Variants in STK24 observed in about 807,000 individuals in gnomAD.
The protein encoded by STK24 is serine/threonine-protein kinase 24.
Under a neutral mutation model 55.6 loss-of-function variants are expected in STK24, and 21 were observed. The ratio of observed to expected loss-of-function variants is 0.38; its 90% CI spans 0.27 to 0.54. The LOEUF (loss-of-function observed/expected upper bound fraction) is 0.54, where lower values mean the gene tolerates loss of function less well. Ranked by LOEUF, STK24 falls within the 20% of genes least tolerant of loss-of-function variation. The pLI, the probability that STK24 is intolerant of heterozygous loss-of-function variation, is 0.79. For synonymous variants in STK24, 200 were observed against 215.2 expected (o/e 0.93, Z 0.62); for missense variants, 383 against 538.4 (o/e 0.71, Z 2.86).
In STK24 at chr13:98,446,821, G is replaced by C; in HGVS notation, c.*6352C>G. 1 of 1,613,976 alleles carries C rather than the reference G, an allele frequency of 6.2e-7. No homozygotes were observed. The highest frequency in any genetic ancestry group is 1.1e-5 in the South Asian group (1 of 91,056). On this transcript the variant is annotated 3_prime_UTR_variant, in exon 11 of 11. Coordinates refer to ENST00000539966, the MANE Select transcript of STK24 (RefSeq NM_001032296.4). ...AAAGCGAGTACACGTTCGAAAGGTAGACACCCCCTTCCCACGCACAGGGCC... is the reference window on the plus strand; with the variant it reads ...AAAGCGAGTACACGTTCGAAAGGTACACACCCCCTTCCCACGCACAGGGCC...
chr13:98,463,510 G>A (rs546051868), intron 7 of STK24, among the ~76,000 whole-genome samples, 181 bp downstream of exon 7: 2 of 151,948 alleles, frequency 1.3e-5, no homozygotes, highest in East Asian at 1.9e-4. Context: ...CACCAGCAAC[G>A]TCAAGAGGCT....
At position 98,450,031 on chromosome 13, in the gene STK24, A is replaced by T. The variant is rs1893111636; in HGVS notation, c.*3142T>A. On this transcript the variant is annotated 3_prime_UTR_variant, in exon 11 of 11. Transcript: ENST00000539966. ...GACAAGGCAGTCTCCTCAGCTATTTATTTCTGAATGATTGATTGATTCCAA... is the reference window on the plus strand; with the variant it reads ...GACAAGGCAGTCTCCTCAGCTATTTTTTTCTGAATGATTGATTGATTCCAA... 7.4e-6 allele frequency: 1 copy of T among 134,538 alleles called. No individual in the cohort carries two copies. Among genetic ancestry groups the T allele is most frequent in the Non-Finnish European group, 1.7e-5 (1 of 59,350 alleles). 8.3% of individuals were successfully genotyped at this position (134,538 alleles called of 1,614,324 possible). A position where few individuals can be genotyped will look rare whatever the true frequency, so the allele number is the denominator to read the frequency against.
intron 1 of STK24, among the ~76,000 whole-genome samples, chr13:98,527,144 C>G (rs1310102313): frequency 1.3e-5 from 2 of 152,178 alleles, no homozygotes; most frequent in Admixed American, 6.5e-5. Context: ...TGGCCAGCCA[C>G]TGAGAATAAC....
At position 98,457,141 on chromosome 13, in the gene STK24, C is replaced by T. The variant is rs939152204; in HGVS notation, c.1259+27G>A. The T allele has an allele frequency of 3.7e-6, 6 of 1,602,058 alleles. No homozygotes were observed. In the African/African-American group the frequency reaches 8.0e-5, roughly 21 times the overall value. ...GCCCAAGTGCAGGTCTCTCCTTCCCCAGCCCAGAGGGGCCCTGGGTAGTTA... is the reference window on the plus strand; with the variant it reads ...GCCCAAGTGCAGGTCTCTCCTTCCCTAGCCCAGAGGGGCCCTGGGTAGTTA... On this transcript the variant is annotated intron_variant, in intron 10 of 10. Transcript: ENST00000539966.
Position 98,491,198 on chromosome 13 carries a change from T to C in STK24, c.274-8877A>G, listed in dbSNP as rs146281597. Among the ~76,000 whole-genome samples the C allele has an allele frequency of 4.4e-3, 677 of 152,324 alleles. 2 individuals are homozygous for C. Among genetic ancestry groups the C allele is most frequent in the Non-Finnish European group, 7.5e-3 (512 of 68,018 alleles). ...AAGCCCACCGGACCTACACCCCTTC[T>C]CATCTCCCTGCGAGCAATGCCTTCT... is the stretch of plus-strand genomic sequence containing the variant. On this transcript the variant is annotated intron_variant, in intron 2 of 10. Transcript: ENST00000539966.
chr13:98,530,629 G>A (rs933499057), intron 1 of STK24, among the ~76,000 whole-genome samples: 10 of 152,124 alleles, frequency 6.6e-5, no homozygotes, highest in African/African-American at 2.2e-4. Flanking sequence ...ACAACACAAG[G>A]GCACAAAAGA....
chr13:98,569,016 C>T (rs1392360262), intron 1 of STK24, among the ~76,000 whole-genome samples: 2 of 152,136 alleles, frequency 1.3e-5, no homozygotes, highest in Non-Finnish European at 2.9e-5. Context: ...TGAGTCGCTT[C>T]ACAGAAAAGG....
At chr13:98,534,727 C>A (rs746376453) in intron 1 of STK24, among the ~76,000 whole-genome samples, 5 of 152,130 alleles carry the variant, frequency 3.3e-5, no homozygotes. Flanking sequence ...ACCCAGGAAC[C>A]GAAAACAGCA....
At chr13:98,504,757 T>C (rs1328405660) in intron 2 of STK24, among the ~76,000 whole-genome samples, 2 of 152,152 alleles carry the variant, frequency 1.3e-5, no homozygotes, top group Non-Finnish European at 2.9e-5. Context: ...GAAGGGCTAT[T>C]TTTCACCTGA....
At chr13:98,548,861 C>CAAAAAAAAAAA (rs55793722) in intron 1 of STK24, among the ~76,000 whole-genome samples, 6 of 37,798 alleles carry the variant, frequency 1.6e-4, no homozygotes, top group African/African-American at 4.5e-4. Context: ...GACTCTGTCT[C>CAAAAAAAAAAA]AAAAAAAAAA....
intron 1 of STK24, among the ~76,000 whole-genome samples, chr13:98,557,725 A>T (rs1216440534): frequency 6.6e-6 from 1 of 152,250 alleles, no homozygotes; most frequent in Non-Finnish European, 1.5e-5. Context: ...CATGGGTGAT[A>T]ATGACAAGGT....
chr13:98,468,001 A>G (rs1366936303), intron 5 of STK24, among the ~76,000 whole-genome samples: 6 of 152,246 alleles, frequency 3.9e-5, no homozygotes. Context: ...CATTATTCCA[A>G]GAACTTCAGT....
chr13:98,474,476 A>C (rs1894286509), intron 5 of STK24, among the ~76,000 whole-genome samples: 1 of 151,968 alleles, frequency 6.6e-6, no homozygotes. Context: ...CAGCAGGTGG[A>C]GCCCCTCTGC....
intron 2 of STK24, among the ~76,000 whole-genome samples, chr13:98,483,301 G>A (rs914152853): frequency 6.6e-6 from 1 of 152,142 alleles, no homozygotes; most frequent in Non-Finnish European, 1.5e-5. Context: ...GGACGCCACC[G>A]CCAGAGTTTG....
chr13:98,448,122 A>G lies in STK24; in HGVS notation c.*5051T>C. ...TCCCTTGCTCTTCTGCTGAAGTGGC[A>G]GATTACCAACCAGGCGGCCTGACTT... On this transcript the variant is annotated 3_prime_UTR_variant, in exon 11 of 11. Coordinates refer to ENST00000539966, the MANE Select transcript of STK24 (RefSeq NM_001032296.4). 2 of 849,994 alleles carry G rather than the reference A, an allele frequency of 2.4e-6. No homozygotes were observed. The highest frequency in any genetic ancestry group is 2.9e-5 in the South Asian group (2 of 69,008). The allele number at this position is 849,994 out of a possible 1,614,324, so 52.7% of individuals were successfully genotyped here.
At chr13:98,510,274 T>C (rs1895838036) in intron 2 of STK24, among the ~76,000 whole-genome samples, 1 of 152,118 alleles carries the variant, frequency 6.6e-6, no homozygotes, top group East Asian at 1.9e-4. Context: ...ATCCACCAGG[T>C]AAAAGAAGCA....
chr13:98,463,317 C>A (rs192628819), intron 7 of STK24, among the ~76,000 whole-genome samples: 1 of 152,320 alleles, frequency 6.6e-6, no homozygotes, highest in Admixed American at 6.5e-5. Flanking sequence ...AATACAGAAT[C>A]ACAAACACAT....
rs1897923099 is a variant in STK24, at chr13:98,577,056, G to A, written c.-270C>T. 2 of 147,028 alleles carry A rather than the reference G, an allele frequency of 1.4e-5. No individual in the cohort carries two copies. The highest frequency in any genetic ancestry group is 3.9e-4 in the South Asian group (2 of 5,126). The allele number at this position is 147,028 out of a possible 1,614,324, so 9.1% of individuals were successfully genotyped here. ...GCCGCCGCTGCTGCCGCTACTGCTGGGCTGGAGCCGGGCGGCCTGGGCCCG... is the reference window on the plus strand; with the variant it reads ...GCCGCCGCTGCTGCCGCTACTGCTGAGCTGGAGCCGGGCGGCCTGGGCCCG... On this transcript the variant is annotated 5_prime_UTR_variant, in exon 1 of 11. Transcript: ENST00000539966. This position sits in a 1 kb window ranked among gnomAD's most constrained non-coding sequence, Gnocchi z 4.1.
At chr13:98,539,022 TCA>T (rs1468809813) in intron 1 of STK24, among the ~76,000 whole-genome samples, 4 of 152,158 alleles carry the variant, frequency 2.6e-5, no homozygotes, top group Non-Finnish European at 4.4e-5. Context: ...CAGCCAAGAC[TCA>T]CACACAGTCA....
Sources: allele counts gnomAD v4.1 joint callset (sites outside exome capture counted in the v4.1 genomes callset), GRCh38; gene constraint gnomAD v4.1.1; non-coding constraint Gnocchi (gnomAD v3.1); transcripts MANE v1.5; gene names NCBI Gene and HGNC (gene_info 2026-07-23, HGNC 2026-07-21).